The following FRAS1 variants were observed in gnomAD, a reference collection of about 807,000 sequenced individuals.
FRAS1 encodes extracellular matrix organizing protein FRAS1.
FRAS1 carries 290 observed loss-of-function variants against 435.2 expected under a neutral mutation model. That is an observed-to-expected ratio of 0.67 (90% CI 0.61 to 0.73). The LOEUF (loss-of-function observed/expected upper bound fraction) is 0.73. Ranked by LOEUF, FRAS1 falls within the 30% of genes least tolerant of loss-of-function variation. FRAS1 has a pLI of 0.00. For missense variants in FRAS1, 4,860 were observed against 5,001.5 expected (o/e 0.97, Z 0.85); for synonymous variants, 1,800 against 1,851.0 (o/e 0.97, Z 0.71).
At chr4:78,154,635 G>A (rs1335527429) in intron 2 of FRAS1, among the ~76,000 whole-genome samples, 1 of 151,990 alleles carries the variant, frequency 6.6e-6, no homozygotes. Flanking sequence ...CGCTTTAATT[G>A]GATTCATGTA....
chr4:78,534,698 C>T (rs1721826957), intron 71 of FRAS1, 83 bp downstream of exon 71: 1 of 1,313,654 alleles, frequency 7.6e-7, no homozygotes, highest in Non-Finnish European at 1.1e-6. Flanking sequence ...GGCATCTCTG[C>T]TCATATGCTC....
chr4:78,411,762 T>G (rs953216269), intron 31 of FRAS1, among the ~76,000 whole-genome samples: 2 of 152,204 alleles, frequency 1.3e-5, no homozygotes, highest in East Asian at 3.8e-4. Flanking sequence ...CTTCAAAAGA[T>G]AGAATATATT....
intron 60 of FRAS1, among the ~76,000 whole-genome samples, 197 bp downstream of exon 60, chr4:78,497,158 A>G (rs1434195310): frequency 6.6e-6 from 1 of 152,188 alleles, no homozygotes; most frequent in East Asian, 1.9e-4. Context: ...TATTTTTAAT[A>G]TCATTGTTCC....
intron 2 of FRAS1, among the ~76,000 whole-genome samples, chr4:78,097,515 T>C (rs577524012): frequency 6.6e-6 from 1 of 152,296 alleles, no homozygotes; most frequent in Admixed American, 6.5e-5. Context: ...CACAGTTCCA[T>C]GTGGCTTGCC....
intron 18 of FRAS1, among the ~76,000 whole-genome samples, chr4:78,322,165 G>T (rs1357762944): frequency 1.3e-5 from 2 of 152,174 alleles, no homozygotes; most frequent in Non-Finnish European, 2.9e-5. Context: ...TGTTATGTGT[G>T]CTGATTGATG....
chr4:78,225,889 G>A (rs747808279), intron 2 of FRAS1, among the ~76,000 whole-genome samples: 1 of 152,002 alleles, frequency 6.6e-6, no homozygotes, highest in African/African-American at 2.4e-5. Flanking sequence ...ACATGTTCCT[G>A]CATTATAATT....
Position 78,295,748 on chromosome 4 carries a change from C to CT in FRAS1, c.1534+9224dup, listed in dbSNP as rs571061110. ...TGTATGCCTGAGTAGATATTTCCTT[C>CT]TTTTTTTTTTTTTTTAGATGGAGTC... On this transcript the variant is annotated intron_variant, in intron 14 of 73. Coordinates refer to ENST00000512123, the MANE Select transcript of FRAS1 (RefSeq NM_025074.7). 2.1e-3 allele frequency among the ~76,000 whole-genome samples: 297 copies of CT among 141,176 alleles called. 1 individual carries two copies. Among genetic ancestry groups the CT allele is most frequent in the South Asian group, 8.5e-3 (37 of 4,376 alleles). 92.6% of individuals were successfully genotyped at this position (141,176 alleles called of 152,430 possible).
intron 2 of FRAS1, among the ~76,000 whole-genome samples, chr4:78,149,259 G>A (rs1484249856): frequency 1.3e-5 from 2 of 152,122 alleles, no homozygotes; most frequent in Admixed American, 1.3e-4. Flanking sequence ...ATGTGCAGTG[G>A]GCTTAATATC....
chr4:78,308,185 T>TA lies in FRAS1; in HGVS notation c.1655dup (p.Tyr552Ter). The change falls in exon 15 of 74, where the codon TAC (tyrosine) becomes TAAC (stop). Residue 552 changes from tyrosine (Y) to a stop codon, truncating the protein, a stop_gained and frameshift_variant. Coordinates refer to ENST00000512123, the MANE Select transcript of FRAS1 (RefSeq NM_025074.7). LOFTEE classifies it high-confidence loss of function. ...TGAGAGCAGCTGTGGAAAAGGCTTC[T>TA]ACAACAGGCAGGGCACCTGTAGCGG... ...GCESSCGKGF[Y>*]NRQGTCSACD... is the part of the protein sequence containing the mutation. The TA allele has an allele frequency of 6.2e-7, 1 of 1,613,970 alleles. No homozygotes were observed. Among genetic ancestry groups the TA allele is most frequent in the Non-Finnish European group, 8.5e-7 (1 of 1,179,876 alleles).
intron 2 of FRAS1, among the ~76,000 whole-genome samples, chr4:78,175,599 C>G (rs1404406321): frequency 2.0e-5 from 3 of 152,134 alleles, no homozygotes; most frequent in African/African-American, 7.2e-5. Context: ...GGGGTAGTTA[C>G]AGCAGGGAGC....
intron 59 of FRAS1, 117 bp downstream of exon 59, chr4:78,489,197 C>G: frequency 2.2e-6 from 2 of 923,438 alleles, no homozygotes; most frequent in East Asian, 2.6e-5. Context: ...TACAGGTGAC[C>G]CTTGAACAAT....
At chr4:78,387,112 G>A (rs1365934036) in intron 28 of FRAS1, among the ~76,000 whole-genome samples, 1 of 152,112 alleles carries the variant, frequency 6.6e-6, no homozygotes, top group African/African-American at 2.4e-5. Flanking sequence ...AGATTTAGAA[G>A]CTAGCAGCTC....
At chr4:78,469,392 A>G (rs970429804) in intron 50 of FRAS1, among the ~76,000 whole-genome samples, 1 of 152,154 alleles carries the variant, frequency 6.6e-6, no homozygotes, top group African/African-American at 2.4e-5. Flanking sequence ...CCTTTTCGCT[A>G]TTACCACAAA....
chr4:78,521,704 T>C, intron 68 of FRAS1, 74 bp downstream of exon 68: 1 of 934,390 alleles, frequency 1.1e-6, no homozygotes, highest in South Asian at 1.5e-5. Context: ...GTTGAAAGAA[T>C]AGAACAGTAA....
At position 78,346,559 on chromosome 4, in the gene FRAS1, C is replaced by T. The variant is rs554449337; in HGVS notation, c.2422+8742C>T. 2.6e-5 allele frequency among the ~76,000 whole-genome samples: 4 copies of T among 152,138 alleles called. No homozygotes were observed. The South Asian group carries it at 6.2e-4, about 24-fold the overall frequency. On this transcript the variant is annotated intron_variant, in intron 20 of 73. Coordinates refer to ENST00000512123, the MANE Select transcript of FRAS1 (RefSeq NM_025074.7). ...TTCCATAAGACCCTCTCTTGCTTCT[C>T]GACATCATTTTATTCACTTCCTTTT...
chr4:78,254,985 G>A (rs139469221), intron 5 of FRAS1, among the ~76,000 whole-genome samples: 142 of 152,244 alleles, frequency 9.3e-4, no homozygotes, highest in African/African-American at 3.3e-3. Flanking sequence ...TGGAGTGGAG[G>A]AGCTGGTAGC....
chr4:78,411,108 A>ATTTTTTTTTTTTTTTTTTTTT, intron 31 of FRAS1, among the ~76,000 whole-genome samples: 2 of 142,856 alleles, frequency 1.4e-5, no homozygotes, highest in Non-Finnish European at 3.0e-5. Context: ...AGTTGCATGG[A>ATTTTTTTTTTTTTTTTTTTTT]TTTTTTTTCT....
intron 26 of FRAS1, among the ~76,000 whole-genome samples, chr4:78,376,665 T>C (rs779323444): frequency 2.0e-5 from 3 of 152,168 alleles, no homozygotes; most frequent in Non-Finnish European, 4.4e-5. Flanking sequence ...TTCTAGTGGA[T>C]GGATTTCAGG....
At chr4:78,140,553 C>T (rs1303928827) in intron 2 of FRAS1, among the ~76,000 whole-genome samples, 1 of 151,776 alleles carries the variant, frequency 6.6e-6, no homozygotes, top group Non-Finnish European at 1.5e-5. Flanking sequence ...TCTACAATTG[C>T]AAAATCGTGG....
Sources: allele counts gnomAD v4.1 joint callset (sites outside exome capture counted in the v4.1 genomes callset), GRCh38; gene constraint gnomAD v4.1.1; transcripts MANE v1.5; gene names NCBI Gene and HGNC (gene_info 2026-07-23, HGNC 2026-07-21).